The following CSMD3 variants were observed in gnomAD, a reference collection of about 807,000 sequenced individuals.
CSMD3 encodes the protein CUB and Sushi multiple domains 3, also known as CUB and sushi domain-containing protein 3.
Under a neutral mutation model 435.2 loss-of-function variants are expected in CSMD3, and 177 were observed. The observed-to-expected ratio is 0.41, with a 90% CI of 0.36 to 0.46. CSMD3 has a LOEUF of 0.46. Among genes scored for constraint, CSMD3 ranks in the 20% least tolerant of loss-of-function variants. CSMD3 has a pLI of 0.34. For synonymous variants in CSMD3, 1,656 were observed against 1,520.5 expected (o/e 1.09, Z -2.07); for missense variants, 4,265 against 4,504.6 (o/e 0.95, Z 1.52).
chr8:113,359,460 C>A (rs1053168530), intron 1 of CSMD3, among the ~76,000 whole-genome samples: 1 of 152,096 alleles, frequency 6.6e-6, no homozygotes, highest in African/African-American at 2.4e-5. Context: ...GGAAACAGAG[C>A]GGGGGCAAAT....
chr8:112,383,595 G>C lies in CSMD3; in HGVS notation c.6003C>G (p.Asn2001Lys), dbSNP rs761767871. The C allele has an allele frequency of 6.2e-7, 1 of 1,600,352 alleles. No homozygotes were observed. Among genetic ancestry groups the C allele is most frequent in the East Asian group, 2.2e-5 (1 of 44,706 alleles). The stretch of plus-strand genomic sequence containing the variant: ...AATAGCTTCCAAGTCTTGGAGCATT[G>C]TTGTCTCCCCCATCATAAAAGTCCA... ...DSLDFYDGGD[N>K]NAPRLGSYSG... Residue 2001 changes from asparagine to lysine, a missense_variant, in exon 37 of 71, where the codon AAC becomes AAG. This residue lies in a region of CSMD3 where 3,255 missense variants were observed against 3,380.2 expected (regional missense o/e 0.96). Transcript: ENST00000297405.
At position 112,870,852 on chromosome 8, in the gene CSMD3, A is replaced by C. The variant is rs74923378; in HGVS notation, c.1634-11586T>G. Among the ~76,000 whole-genome samples the C allele has an allele frequency of 2.2e-3, 336 of 152,152 alleles. 1 individual carries two copies. Among genetic ancestry groups the C allele is most frequent in the Non-Finnish European group, 3.6e-3 (243 of 68,004 alleles). On this transcript the variant is annotated intron_variant, in intron 10 of 70. Coordinates refer to ENST00000297405, the MANE Select transcript of CSMD3 (RefSeq NM_198123.2). ...AAAGAAATACTAAACTAGCAGATAA[A>C]TCTGGTTTTACAAGATGCAATGGGA...
chr8:112,739,072 A>G (rs1253334003), intron 13 of CSMD3, among the ~76,000 whole-genome samples: 1 of 151,798 alleles, frequency 6.6e-6, no homozygotes, highest in Non-Finnish European at 1.5e-5. Context: ...AGCTAGATAT[A>G]TCCAAGTAAA....
chr8:112,858,451 G>A (rs1646942126), intron 11 of CSMD3, among the ~76,000 whole-genome samples: 1 of 151,718 alleles, frequency 6.6e-6, no homozygotes. Context: ...GAAGATTTGA[G>A]AGAAATGATG....
At chr8:112,503,634 T>G (rs1822206183) in intron 30 of CSMD3, among the ~76,000 whole-genome samples, 156 bp downstream of exon 30, 1 of 152,218 alleles carries the variant, frequency 6.6e-6, no homozygotes, top group Non-Finnish European at 1.5e-5. Context: ...AAGAAAATTC[T>G]ACAGTGAGAA....
chr8:113,434,334 G>A (rs2094692446), intron 1 of CSMD3, among the ~76,000 whole-genome samples: 1 of 152,186 alleles, frequency 6.6e-6, no homozygotes. Context: ...AGAAGAAAGT[G>A]TAGAAGACAA....
intron 9 of CSMD3, among the ~76,000 whole-genome samples, chr8:112,935,570 TA>T (rs890335870): frequency 6.6e-6 from 1 of 152,036 alleles, no homozygotes; most frequent in African/African-American, 2.4e-5. Flanking sequence ...CTTTCATCAA[TA>T]TTTTATAGTT....
chr8:112,225,679 C>T (rs1036235388), intron 70 of CSMD3, among the ~76,000 whole-genome samples: 2 of 152,092 alleles, frequency 1.3e-5, no homozygotes, highest in Non-Finnish European at 2.9e-5. Flanking sequence ...CATGAATGCT[C>T]AATTTTATTT....
At chr8:112,624,929 A>ATT in intron 22 of CSMD3, among the ~76,000 whole-genome samples, 1 of 151,982 alleles carries the variant, frequency 6.6e-6, no homozygotes, top group Non-Finnish European at 1.5e-5. Context: ...CTTTTTAGGT[A>ATT]TTTATTTGTA....
intron 10 of CSMD3, among the ~76,000 whole-genome samples, chr8:112,912,213 A>G (rs1323051419): frequency 6.6e-6 from 1 of 151,554 alleles, no homozygotes; most frequent in Non-Finnish European, 1.5e-5. Flanking sequence ...TAATTCAGCA[A>G]TGAATATGGG....
chr8:112,587,150 G>A lies in CSMD3; in HGVS notation c.3801C>T (p.Cys1267=), dbSNP rs2131353548. 1.2e-6 allele frequency: 2 copies of A among 1,608,040 alleles called. No individual in the cohort carries two copies. Among genetic ancestry groups the A allele is most frequent in the East Asian group, 2.2e-5 (1 of 44,700 alleles). The change falls in exon 23 of 71, where the codon TGC becomes TGT. Residue 1267 remains cysteine, a synonymous_variant. Coordinates refer to ENST00000297405, the MANE Select transcript of CSMD3 (RefSeq NM_198123.2). ...CTGCTTGAACCTGAATACTATAAAT[G>A]CATTCATGGTTGTTTTCATAGTTGA... is the stretch of plus-strand genomic sequence containing the variant. ...YPLNYENNHE[C]IYSIQVQAGK... is the part of the protein sequence containing the mutation.
intron 2 of CSMD3, chr8:113,309,343 A>C (rs2093849238): frequency 6.6e-6 from 1 of 152,132 alleles, no homozygotes; most frequent in Admixed American, 6.5e-5. Flanking sequence ...CCCAGATGTA[A>C]GCATAGTACA....
intron 5 of CSMD3, among the ~76,000 whole-genome samples, chr8:113,039,470 C>G (rs1337315528): frequency 6.6e-6 from 1 of 152,084 alleles, no homozygotes; most frequent in Non-Finnish European, 1.5e-5. Context: ...TTTACATACA[C>G]CCTTGCATAC....
chr8:112,829,931 A>C, intron 11 of CSMD3, 142 bp from the exon 12 acceptor site: 1 of 596,102 alleles, frequency 1.7e-6, no homozygotes, highest in Non-Finnish European at 3.0e-6. Flanking sequence ...ACACACAAGC[A>C]GTTCAATTAT....
At chr8:112,371,977 A>G (rs542457202) in intron 38 of CSMD3, among the ~76,000 whole-genome samples, 3 of 152,306 alleles carry the variant, frequency 2.0e-5, no homozygotes, top group African/African-American at 7.2e-5. Context: ...ATTAATCTGC[A>G]GTGAACAAGG....
chr8:112,556,808 T>A lies in CSMD3; in HGVS notation c.4189A>T (p.Thr1397Ser), dbSNP rs774358854. The stretch of plus-strand genomic sequence containing the variant: ...TAGTCCCATGCCCTTCTCTCCCCTG[T>A]CATGCACTTGAGAAGGCTACTTCCG... ...LHGSSLLKCM[T>S]GERRAWDYPL... Residue 1397 changes from threonine to serine, a missense_variant, in exon 25 of 71, where the codon ACA (threonine) becomes TCA (serine). By Grantham distance (58) the Thr-to-Ser change is moderately conservative. Transcript: ENST00000297405. 3 of 1,612,470 alleles carry A rather than the reference T, an allele frequency of 1.9e-6. No homozygotes were observed. Among genetic ancestry groups the A allele is most frequent in the Admixed American group, 3.3e-5 (2 of 59,796 alleles).
chr8:112,720,567 TC>T (rs1220587496), intron 13 of CSMD3, among the ~76,000 whole-genome samples: 1 of 152,158 alleles, frequency 6.6e-6, no homozygotes, highest in African/African-American at 2.4e-5. Context: ...ATGCGAGGAA[TC>T]ACATTCATTT....
At chr8:113,088,878 A>G (rs576102751) in intron 5 of CSMD3, among the ~76,000 whole-genome samples, 92 of 152,200 alleles carry the variant, frequency 6.0e-4, no homozygotes, top group African/African-American at 2.2e-3. Context: ...AAATAAAATA[A>G]ATAAAGATGT....
rs1489356827 is a variant in CSMD3, at chr8:113,173,805, A to G, written c.626T>C (p.Ile209Thr). The G allele has an allele frequency of 3.1e-6, 5 of 1,613,796 alleles. No homozygotes were observed. In the South Asian group the frequency reaches 3.3e-5, roughly 11 times the overall value. Residue 209 changes from isoleucine (I) to threonine (T), a missense_variant, in exon 4 of 71, where the codon ATC (isoleucine) becomes ACC (threonine). Ile to Thr is a moderately conservative substitution (Grantham distance 89, BLOSUM62 -1). Coordinates refer to ENST00000297405, the MANE Select transcript of CSMD3 (RefSeq NM_198123.2). Reference protein sequence around the residue: ...KIRYSCVTGYILDGHPQLTCI... With the variant: ...KIRYSCVTGYTLDGHPQLTCI... ...GGTGAGCTGAGGGTGGCCATCAAGG[A>G]TGTATCCAGTTACACAGCTGTAGCG...
Sources: allele counts gnomAD v4.1 joint callset (sites outside exome capture counted in the v4.1 genomes callset), GRCh38; gene constraint gnomAD v4.1.1; regional missense constraint gnomAD v4.1.1; transcripts MANE v1.5; gene names NCBI Gene and HGNC (gene_info 2026-07-23, HGNC 2026-07-21).